IGSF21: variants seen among roughly 807,000 people sequenced by gnomAD.
The protein encoded by IGSF21 is immunoglobulin superfamily member 21.
In IGSF21, 28 loss-of-function variants were observed where a neutral mutation model predicts 46.8. That is an observed-to-expected ratio of 0.60 (90% CI 0.44 to 0.82). The LOEUF (loss-of-function observed/expected upper bound fraction) is 0.82. Ranked by LOEUF, IGSF21 falls within the 40% of genes least tolerant of loss-of-function variation. The probability of loss-of-function intolerance (pLI) is 0.00; values close to 1 mark genes in which losing one functional copy is unlikely to be tolerated. For synonymous variants in IGSF21, 284 were observed against 273.6 expected (o/e 1.04, Z -0.38); for missense variants, 624 against 665.5 (o/e 0.94, Z 0.69).
At chr1:18,203,320 GT>G (rs1342016612) in intron 1 of IGSF21, among the ~76,000 whole-genome samples, 1 of 152,136 alleles carries the variant, frequency 6.6e-6, no homozygotes, top group East Asian at 1.9e-4. Flanking sequence ...TTTGTTTTGT[GT>G]TGTTTGAGAC....
At chr1:18,339,918 T>G (rs1331426747) in intron 4 of IGSF21, among the ~76,000 whole-genome samples, 1 of 152,108 alleles carries the variant, frequency 6.6e-6, no homozygotes, top group African/African-American at 2.4e-5. Flanking sequence ...CCCCCACTTC[T>G]CAAACCCTCT....
intron 1 of IGSF21, among the ~76,000 whole-genome samples, chr1:18,171,733 C>A (rs1557570119): frequency 2.0e-5 from 3 of 152,210 alleles, no homozygotes; most frequent in Admixed American, 6.5e-5. Context: ...ACTTAGCAAC[C>A]ATTCTCTTCT....
At chr1:18,345,387 T>A (rs917839331) in intron 4 of IGSF21, among the ~76,000 whole-genome samples, 9 of 152,170 alleles carry the variant, frequency 5.9e-5, no homozygotes, top group Admixed American at 3.9e-4. Context: ...TTGCTTGTTT[T>A]TTTATTTATT....
chr1:18,224,681 G>A (rs189501176), intron 1 of IGSF21, among the ~76,000 whole-genome samples: 37 of 152,290 alleles, frequency 2.4e-4, no homozygotes, highest in Non-Finnish European at 4.7e-4. Flanking sequence ...CAGGAAGAAG[G>A]AAGGAGAGAA....
intron 1 of IGSF21, among the ~76,000 whole-genome samples, chr1:18,172,007 C>T (rs1016493709): frequency 6.6e-6 from 1 of 152,172 alleles, no homozygotes; most frequent in Admixed American, 6.5e-5. Context: ...TTCTTGTCCC[C>T]TGGACAGGAT....
At chr1:18,313,904 C>G (rs190861106) in intron 3 of IGSF21, among the ~76,000 whole-genome samples, 34 of 152,302 alleles carry the variant, frequency 2.2e-4, no homozygotes, top group Admixed American at 4.6e-4. Context: ...AACTTGGAAA[C>G]AGTTTTGAAG....
At chr1:18,378,206 AACG>A in intron 9 of IGSF21, 47 bp from the exon 10 acceptor site, 1 of 1,495,564 alleles carries the variant, frequency 6.7e-7, no homozygotes, top group Non-Finnish European at 9.3e-7. Flanking sequence ...GCTGTTCTGG[AACG>A]GGGTTGGGTC....
At chr1:18,293,355 C>T (rs568092107) in intron 3 of IGSF21, among the ~76,000 whole-genome samples, 1 of 152,184 alleles carries the variant, frequency 6.6e-6, no homozygotes, top group African/African-American at 2.4e-5. Flanking sequence ...GTAAGTCCAA[C>T]CCTGCATCAA....
intron 1 of IGSF21, among the ~76,000 whole-genome samples, chr1:18,189,404 G>A (rs1223970458): frequency 2.6e-5 from 4 of 152,320 alleles, no homozygotes; most frequent in East Asian, 1.9e-4. Flanking sequence ...CAGTTTCGTG[G>A]AGGATGAATT....
intron 2 of IGSF21, among the ~76,000 whole-genome samples, chr1:18,286,276 C>A (rs1383506716): frequency 2.0e-5 from 3 of 152,206 alleles, no homozygotes; most frequent in Admixed American, 2.0e-4. Context: ...TGGTTCCTGT[C>A]TGCAAATGGG....
intron 1 of IGSF21, among the ~76,000 whole-genome samples, chr1:18,183,018 T>C (rs2086871626): frequency 6.6e-6 from 1 of 152,182 alleles, no homozygotes. Flanking sequence ...TGCCCAGGCA[T>C]TACAGGAAGC....
At chr1:18,208,396 T>TC (rs397732378) in intron 1 of IGSF21, among the ~76,000 whole-genome samples, 1 of 102,336 alleles carries the variant, frequency 9.8e-6, no homozygotes, top group Admixed American at 1.0e-4. Flanking sequence ...TATATATATA[T>TC]TTTTTGAGAC....
intron 4 of IGSF21, among the ~76,000 whole-genome samples, chr1:18,359,494 AG>A (rs879338103): frequency 0.094 from 9,912 of 105,174 alleles, 682 homozygotes; most frequent in South Asian, 0.19. Flanking sequence ...GAAGGAAGGA[AG>A]GAAGGAAGGA....
chr1:18,208,396 T>TATATATATATA (rs397732378), intron 1 of IGSF21, among the ~76,000 whole-genome samples: 20 of 102,286 alleles, frequency 2.0e-4, no homozygotes, highest in South Asian at 3.3e-4. Context: ...TATATATATA[T>TATATATATATA]TTTTTGAGAC....
chr1:18,334,865 C>T lies in IGSF21; in HGVS notation c.306-27C>T. On this transcript the variant is annotated intron_variant, in intron 3 of 9. Coordinates refer to ENST00000251296, the MANE Select transcript of IGSF21 (RefSeq NM_032880.5). This position sits in a 1 kb window ranked among gnomAD's most constrained non-coding sequence, Gnocchi z 4.3. Reference sequence around the variant, plus strand: ...CTCACCCAGCCCCACGATGAAGGGCCCTCACCCTGTCTTCTGCCTCCCCCA... The same window carrying T: ...CTCACCCAGCCCCACGATGAAGGGCTCTCACCCTGTCTTCTGCCTCCCCCA... 1 of 1,563,184 alleles carries T rather than the reference C, an allele frequency of 6.4e-7. No homozygotes were observed. The highest frequency in any genetic ancestry group is 8.8e-7 in the Non-Finnish European group (1 of 1,134,050).
At chr1:18,184,299 G>C (rs12749656) in intron 1 of IGSF21, among the ~76,000 whole-genome samples, 1 of 151,912 alleles carries the variant, frequency 6.6e-6, no homozygotes, top group Non-Finnish European at 1.5e-5. Context: ...CTGGTTCCCC[G>C]CATCCTCCTT....
intron 4 of IGSF21, among the ~76,000 whole-genome samples, chr1:18,341,073 TCTTCTCCTC>T (rs376584240): frequency 0.043 from 3,549 of 82,392 alleles, 110 homozygotes; most frequent in East Asian, 0.11. Context: ...TTCTTCTTCT[TCTTCTCCTC>T]CTCCTCCTCC....
intron 1 of IGSF21, chr1:18,115,837 G>T (rs1018363632): frequency 2.0e-5 from 2 of 98,046 alleles, no homozygotes; most frequent in Admixed American, 1.2e-4. Flanking sequence ...AAGGAAGGAA[G>T]GAAGGAAGAA....
At chr1:18,209,517 T>TGAC (rs1179775929) in intron 1 of IGSF21, among the ~76,000 whole-genome samples, 3 of 151,502 alleles carry the variant, frequency 2.0e-5, no homozygotes, top group Non-Finnish European at 2.9e-5. Context: ...GGCAATGGGG[T>TGAC]GACCTTGGCT....
Sources: allele counts gnomAD v4.1 joint callset (sites outside exome capture counted in the v4.1 genomes callset), GRCh38; gene constraint gnomAD v4.1.1; non-coding constraint Gnocchi (gnomAD v3.1); transcripts MANE v1.5; gene names NCBI Gene and HGNC (gene_info 2026-07-23, HGNC 2026-07-21).